The following BBX variants were observed in gnomAD, a reference collection of about 807,000 sequenced individuals.
The protein encoded by BBX is BBX high mobility group box domain containing, also known as HMG box transcription factor BBX.
A neutral mutation model predicts 100.2 loss-of-function variants in BBX; 30 were observed. That is an observed-to-expected ratio of 0.30 (90% CI 0.22 to 0.41). The LOEUF (loss-of-function observed/expected upper bound fraction) is 0.41. Ranked by LOEUF, BBX falls within the 10% of genes least tolerant of loss-of-function variation. The pLI is 1.00. For missense variants in BBX, 1,023 were observed against 1,129.8 expected (o/e 0.91, Z 1.35); for synonymous variants, 376 against 388.1 (o/e 0.97, Z 0.37).
intron 2 of BBX, among the ~76,000 whole-genome samples, chr3:107,540,773 A>G (rs1346944831): frequency 6.6e-6 from 1 of 152,112 alleles, no homozygotes; most frequent in East Asian, 1.9e-4. Context: ...TTCCCTCATC[A>G]CTAAAGTTGG....
At chr3:107,751,922 T>C (rs981145074) in intron 9 of BBX, among the ~76,000 whole-genome samples, 10 of 152,192 alleles carry the variant, frequency 6.6e-5, no homozygotes, top group African/African-American at 2.4e-4. Flanking sequence ...TGTTTACAGG[T>C]AGAGTGACAC....
chr3:107,770,460 A>G (rs539863533), intron 10 of BBX, among the ~76,000 whole-genome samples: 5 of 152,226 alleles, frequency 3.3e-5, no homozygotes, highest in Non-Finnish European at 2.9e-5. Context: ...GGGCTATAGA[A>G]GTTGAGAAAG....
At chr3:107,583,020 A>G (rs2052400589) in intron 2 of BBX, among the ~76,000 whole-genome samples, 1 of 151,650 alleles carries the variant, frequency 6.6e-6, no homozygotes, top group Admixed American at 6.6e-5. Flanking sequence ...ATGTCATTAG[A>G]CGCAAGGCTG....
intron 7 of BBX, among the ~76,000 whole-genome samples, chr3:107,735,686 G>T (rs1478128692): frequency 6.6e-6 from 1 of 151,958 alleles, no homozygotes; most frequent in South Asian, 2.1e-4. Context: ...TAAAGTCCCA[G>T]ATTAAAAGCC....
rs146873278 is a variant in BBX, at chr3:107,578,647, G to A, written c.-84+52249G>A. 3.4e-4 allele frequency among the ~76,000 whole-genome samples: 52 copies of A among 152,136 alleles called. 1 individual carries two copies. The East Asian group carries it at 8.9e-3, about 26-fold the overall frequency. On this transcript the variant is annotated intron_variant, in intron 2 of 17. Transcript: ENST00000325805. The stretch of plus-strand genomic sequence containing the variant: ...TTCTGCCTAAAGAGCAGAGGGGCTC[G>A]TGGCCCTGAAACAGGCTCCTTCCCT...
chr3:107,573,979 C>A (rs1049309238), intron 2 of BBX, among the ~76,000 whole-genome samples: 1 of 152,214 alleles, frequency 6.6e-6, no homozygotes, highest in African/African-American at 2.4e-5. Flanking sequence ...CCCGCCTCAG[C>A]CTCCCAAAGT....
rs757615730 is a variant in BBX at position 107,801,191 on chromosome 3, C to T, written c.2648C>T (p.Thr883Met). ...TCACACAACACCGAGGTCGGGGAGA[C>T]GCGGAGCAGTACTCCAGAAATGCCT... ...KCSHNTEVGE[T>M]RSSTPEMPAV... is the part of the protein sequence containing the mutation. Residue 883 changes from threonine (T) to methionine (M), a missense_variant, in exon 17 of 18, where the codon ACG becomes ATG. Around this residue, in one of 9 missense-constraint regions of BBX, gnomAD observed 104 missense variants for 132.2 expected, o/e 0.79. Coordinates refer to ENST00000325805, the MANE Select transcript of BBX (RefSeq NM_001142568.3). 1.9e-5 allele frequency: 30 copies of T among 1,614,070 alleles called. No homozygotes were observed. The highest frequency in any genetic ancestry group is 1.3e-4 in the South Asian group (12 of 91,090).
chr3:107,722,466 G>A lies in BBX; in HGVS notation c.405+5617G>A, dbSNP rs557132378. ...TTCTGGTAATTACTCAAATTAAAGA[G>A]TAAAATTATACTTGTAAAAAAACTA... On this transcript the variant is annotated intron_variant, in intron 5 of 17. Transcript: ENST00000325805. Among the ~76,000 whole-genome samples, 7 of 152,022 alleles carry A rather than the reference G, an allele frequency of 4.6e-5. No homozygotes were observed. The East Asian group carries it at 9.6e-4, about 21-fold the overall frequency.
At chr3:107,663,575 AC>A (rs781223251) in intron 3 of BBX, among the ~76,000 whole-genome samples, 2 of 151,962 alleles carry the variant, frequency 1.3e-5, no homozygotes, top group East Asian at 1.9e-4. Flanking sequence ...ATACTTATGT[AC>A]CCCCTACATT....
At chr3:107,609,019 C>A (rs183690933) in intron 2 of BBX, among the ~76,000 whole-genome samples, 6 of 152,260 alleles carry the variant, frequency 3.9e-5, no homozygotes, top group East Asian at 1.9e-4. Flanking sequence ...GACTTGACTT[C>A]TTCCTTTCCA....
intron 2 of BBX, among the ~76,000 whole-genome samples, chr3:107,635,529 A>G (rs2107744289): frequency 6.6e-6 from 1 of 152,310 alleles, no homozygotes; most frequent in East Asian, 1.9e-4. Context: ...TAGGAAATAC[A>G]ATTGAAGGAG....
chr3:107,534,921 G>GTATTTTA (rs2048389737), intron 2 of BBX, among the ~76,000 whole-genome samples: 1 of 152,216 alleles, frequency 6.6e-6, no homozygotes, highest in Non-Finnish European at 1.5e-5. Context: ...TTCCCAAAGA[G>GTATTTTA]TATTTTACAC....
At chr3:107,532,353 C>A (rs922522481) in intron 2 of BBX, among the ~76,000 whole-genome samples, 1 of 152,112 alleles carries the variant, frequency 6.6e-6, no homozygotes, top group African/African-American at 2.4e-5. Flanking sequence ...AAAGGCATAT[C>A]AAATTGCAAG....
At chr3:107,666,401 CT>C (rs2058743735) in intron 3 of BBX, among the ~76,000 whole-genome samples, 1 of 152,102 alleles carries the variant, frequency 6.6e-6, no homozygotes, top group African/African-American at 2.4e-5. Flanking sequence ...CCATTTAAGT[CT>C]TGCAACTTTT....
Position 107,526,698 on chromosome 3 carries a change from C to G in BBX, c.-84+300C>G, listed in dbSNP as rs532945431. The G allele has an allele frequency of 5.8e-4, 115 of 198,750 alleles. 1 individual carries two copies. The highest frequency in any genetic ancestry group is 1.0e-3 in the Non-Finnish European group (101 of 99,272). The allele number at this position is 198,750 out of a possible 1,614,324, so 12.3% of individuals were successfully genotyped here. ...TGAAATTTTACATGGCATTGAAGGT[C>G]TAGTAAATTTAATGCTAGACAATAC... is the stretch of plus-strand genomic sequence containing the variant. On this transcript the variant is annotated intron_variant, in intron 2 of 17. Transcript: ENST00000325805.
Position 107,773,026 on chromosome 3 carries a change from T to A in BBX, c.1305T>A (p.Ile435=). ...ATCATATGTGCCATCCTCATGGAAT[T>A]ATGATCATTGAGGATCCCGCAGCAT... ...RKDHMCHPHG[I]MIIEDPAALN... Residue 435 remains isoleucine, a synonymous_variant, in exon 11 of 18, where the codon ATT becomes ATA. Transcript: ENST00000325805. This position sits in a 1 kb window ranked among gnomAD's most constrained non-coding sequence, Gnocchi z 4.1. The A allele has an allele frequency of 6.2e-7, 1 of 1,614,006 alleles. No homozygotes were observed.
chr3:107,701,815 T>TAAA (rs60516191), intron 3 of BBX, among the ~76,000 whole-genome samples: 304 of 148,364 alleles, frequency 2.0e-3, no homozygotes, highest in African/African-American at 5.8e-3. Context: ...TTCTCATCTG[T>TAAA]AAAAAAAAAA....
rs2071118563 is a variant in BBX at position 107,807,506 on chromosome 3, T to C, written c.*2049T>C. ...CCACTCGCTAGCAGTGATTTGAAGA[T>C]TATAATTAGCTAAAATCCAAAACAA... On this transcript the variant is annotated 3_prime_UTR_variant, in exon 18 of 18. Transcript: ENST00000325805. 6.6e-6 allele frequency: 1 copy of C among 152,174 alleles called. No homozygotes were observed. Among genetic ancestry groups the C allele is most frequent in the Admixed American group, 6.5e-5 (1 of 15,268 alleles). The allele number at this position is 152,174 out of a possible 1,614,324, so 9.4% of individuals were successfully genotyped here. A position where few individuals can be genotyped will look rare whatever the true frequency, so the allele number is the denominator to read the frequency against.
At chr3:107,655,757 G>A (rs1268545910) in intron 3 of BBX, among the ~76,000 whole-genome samples, 1 of 151,022 alleles carries the variant, frequency 6.6e-6, no homozygotes, top group Non-Finnish European at 1.5e-5. Context: ...CTGGAATGCA[G>A]TGACACAATC....
Sources: allele counts gnomAD v4.1 joint callset (sites outside exome capture counted in the v4.1 genomes callset), GRCh38; gene constraint gnomAD v4.1.1; regional missense constraint gnomAD v4.1.1; non-coding constraint Gnocchi (gnomAD v3.1); transcripts MANE v1.5; gene names NCBI Gene and HGNC (gene_info 2026-07-23, HGNC 2026-07-21).